Variants in HNRNPD observed in about 807,000 individuals in gnomAD.
HNRNPD encodes heterogeneous nuclear ribonucleoprotein D.
Under a neutral mutation model 47.9 loss-of-function variants are expected in HNRNPD, and 3 were observed. The ratio of observed to expected loss-of-function variants is 0.06; its 90% CI spans 0.03 to 0.16. HNRNPD has a LOEUF of 0.16. Among genes scored for constraint, HNRNPD ranks in the 10% least tolerant of loss-of-function variants. HNRNPD has a pLI of 1.00. For missense variants in HNRNPD, 287 were observed against 454.2 expected (o/e 0.63, Z 3.35); for synonymous variants, 171 against 165.1 (o/e 1.04, Z -0.28).
intron 7 of HNRNPD, chr4:82,356,322 CAT>C: frequency 2.2e-6 from 1 of 454,508 alleles, no homozygotes; most frequent in Non-Finnish European, 3.9e-6. Context: ...GCCCAGCAAA[CAT>C]ATATAGAACC....
chr4:82,369,575 C>CTCCA (rs34071804), intron 2 of HNRNPD, among the ~76,000 whole-genome samples: 2 of 151,324 alleles, frequency 1.3e-5, no homozygotes, highest in African/African-American at 4.9e-5. Flanking sequence ...AATTTGGATA[C>CTCCA]TCTATTAACC....
chr4:82,373,733 C>T lies in HNRNPD; in HGVS notation c.-55G>A. 1 of 1,529,186 alleles carries T rather than the reference C, an allele frequency of 6.5e-7. No individual in the cohort carries two copies. The highest frequency in any genetic ancestry group is 2.5e-5 in the East Asian group (1 of 40,264). 94.7% of individuals were successfully genotyped at this position (1,529,186 alleles called of 1,614,324 possible). A position where few individuals can be genotyped will look rare whatever the true frequency, so the allele number is the denominator to read the frequency against. Reference sequence around the variant, plus strand: ...GACTACACCCGCCGCTGCCGCGAACCGAAACTAGCAGCAAAGTAATCCCCG... The same window carrying T: ...GACTACACCCGCCGCTGCCGCGAACTGAAACTAGCAGCAAAGTAATCCCCG... On this transcript the variant is annotated 5_prime_UTR_variant, in exon 1 of 9. Transcript: ENST00000313899.
At position 82,373,884 on chromosome 4, in the gene HNRNPD, A is replaced by G; in HGVS notation, c.-206T>C. On this transcript the variant is annotated 5_prime_UTR_variant, in exon 1 of 9. Coordinates refer to ENST00000313899, the MANE Select transcript of HNRNPD (RefSeq NM_031370.3). Reference sequence around the variant, plus strand: ...CGCCTCCCACTCTCGCGCGGCGCACACTCCCGCTCTCTCCCGCTGCACTAA... The same window carrying G: ...CGCCTCCCACTCTCGCGCGGCGCACGCTCCCGCTCTCTCCCGCTGCACTAA... The G allele has an allele frequency of 8.5e-7, 1 of 1,173,262 alleles. No homozygotes were observed. Among genetic ancestry groups the G allele is most frequent in the Non-Finnish European group, 1.1e-6 (1 of 877,012 alleles). The allele number at this position is 1,173,262 out of a possible 1,614,324, so 72.7% of individuals were successfully genotyped here.
chr4:82,359,889 T>C (rs955968671), intron 2 of HNRNPD, among the ~76,000 whole-genome samples: 1 of 152,092 alleles, frequency 6.6e-6, no homozygotes, highest in African/African-American at 2.4e-5. Context: ...AAGATAAACA[T>C]ATACCCAAAG....
intron 2 of HNRNPD, among the ~76,000 whole-genome samples, chr4:82,369,286 C>T (rs1034332606): frequency 6.6e-6 from 1 of 152,112 alleles, no homozygotes; most frequent in Admixed American, 6.5e-5. Flanking sequence ...GTAAAAACTA[C>T]GGATGTTAAT....
intron 4 of HNRNPD, 117 bp from the exon 5 acceptor site, chr4:82,357,561 T>A: frequency 2.5e-6 from 2 of 793,204 alleles, no homozygotes; most frequent in Non-Finnish European, 3.8e-6. Flanking sequence ...ACTGAAGTTC[T>A]AGTCTCCTGT....
rs781570745 is a variant in HNRNPD, at chr4:82,358,758, G to C, written c.522C>G (p.Ala174=). 1 of 1,612,742 alleles carries C rather than the reference G, an allele frequency of 6.2e-7. No homozygotes were observed. The highest frequency in any genetic ancestry group is 8.5e-7 in the Non-Finnish European group (1 of 1,179,632). Residue 174 remains alanine (A), a synonymous_variant, in exon 4 of 9, where the codon GCC becomes GCG. Transcript: ENST00000313899. ...TTTTAACCGGCTCTTTTGTTTTCAT[G>C]GCTTTGGCCCTTTTAGGATCAATCA... is the stretch of plus-strand genomic sequence containing the variant. ...GKVIDPKRAK[A]MKTKEPVKKI...
chr4:82,373,025 ATAC>A, intron 1 of HNRNPD: 1 of 416,246 alleles, frequency 2.4e-6, no homozygotes, highest in Non-Finnish European at 4.8e-6. Context: ...AACCTTAGTA[ATAC>A]AAACAGAGAA....
chr4:82,356,734 T>C (rs1723725703), intron 6 of HNRNPD, 51 bp from the exon 7 acceptor site: 1 of 1,612,538 alleles, frequency 6.2e-7, no homozygotes, highest in Admixed American at 1.7e-5. Flanking sequence ...CAAAGATCTT[T>C]ACTTCAGGAT....
intron 1 of HNRNPD, 126 bp downstream of exon 1, chr4:82,373,320 G>T: frequency 7.8e-7 from 1 of 1,289,634 alleles, no homozygotes. Context: ...AGGGAGACCA[G>T]TGCAAGGAGG....
chr4:82,352,510 A>G lies in HNRNPD; in HGVS notation c.*1675T>C, dbSNP rs1723538552. The G allele has an allele frequency of 1.3e-5, 2 of 152,210 alleles. No homozygotes were observed. The highest frequency in any genetic ancestry group is 1.3e-4 in the Admixed American group (2 of 15,282). The allele number at this position is 152,210 out of a possible 1,614,324, so 9.4% of individuals were successfully genotyped here. On this transcript the variant is annotated 3_prime_UTR_variant, in exon 9 of 9. Coordinates refer to ENST00000313899, the MANE Select transcript of HNRNPD (RefSeq NM_031370.3). ...GAGGGAGACCCTGTCTCTTAAAAAT[A>G]ATTTTTTATTGAGAGATTTACATAA...
chr4:82,357,474 T>A, intron 4 of HNRNPD, 30 bp from the exon 5 acceptor site: 1 of 1,569,842 alleles, frequency 6.4e-7, no homozygotes, highest in Non-Finnish European at 8.6e-7. Flanking sequence ...TTTAATATGC[T>A]AACATGCATT....
In HNRNPD at chr4:82,370,055, T is replaced by C. The variant is rs1443855510; in HGVS notation, c.290+1473A>G. Among the ~76,000 whole-genome samples, 3 of 152,096 alleles carry C rather than the reference T, an allele frequency of 2.0e-5. No individual in the cohort carries two copies. In the East Asian group the frequency reaches 5.8e-4, roughly 29 times the overall value. On this transcript the variant is annotated intron_variant, in intron 2 of 8. Coordinates refer to ENST00000313899, the MANE Select transcript of HNRNPD (RefSeq NM_031370.3). ...TACTTTGGAGGCTGAGGCAGGAGAA[T>C]TGCTTGAACCTGGGAGGTGGAGGTT...
intron 1 of HNRNPD, among the ~76,000 whole-genome samples, chr4:82,372,149 A>G (rs947146123): frequency 4.6e-5 from 7 of 152,000 alleles, no homozygotes; most frequent in African/African-American, 9.7e-5. Context: ...GTTAAAAAAA[A>G]ATTCAGACAC....
intron 2 of HNRNPD, among the ~76,000 whole-genome samples, chr4:82,361,644 G>A (rs1416523600): frequency 6.6e-6 from 1 of 151,768 alleles, no homozygotes; most frequent in East Asian, 1.9e-4. Flanking sequence ...GTTTATATTG[G>A]GAAAATACCC....
chr4:82,357,837 A>ACCG, intron 4 of HNRNPD: 1 of 155,648 alleles, frequency 6.4e-6, no homozygotes, highest in Admixed American at 6.4e-5. Context: ...TGCCCAAACC[A>ACCG]AGATGGAAGC....
chr4:82,356,988 T>C lies in HNRNPD; in HGVS notation c.754-93A>G, dbSNP rs781578412. ...AACCAGAATAGCCAACATGTTTAAA[T>C]AGAGTAGGCTAATTTGAAACTTTCC... On this transcript the variant is annotated intron_variant, in intron 5 of 8. Coordinates refer to ENST00000313899, the MANE Select transcript of HNRNPD (RefSeq NM_031370.3). The C allele has an allele frequency of 1.2e-4, 130 of 1,057,774 alleles. 1 individual carries two copies. The Middle Eastern group carries it at 4.4e-3, about 36-fold the overall frequency. 65.5% of individuals were successfully genotyped at this position (1,057,774 alleles called of 1,614,324 possible).
chr4:82,359,699 CAT>C, intron 2 of HNRNPD, 60 bp from the exon 3 acceptor site: 1 of 1,114,048 alleles, frequency 9.0e-7, no homozygotes, highest in Non-Finnish European at 1.3e-6. Context: ...ATATTATCCA[CAT>C]CAATAACACA....
At chr4:82,359,725 G>C (rs1033716216) in intron 2 of HNRNPD, 86 bp from the exon 3 acceptor site, 2 of 811,592 alleles carry the variant, frequency 2.5e-6, no homozygotes, top group African/African-American at 3.4e-5. Context: ...TTTCCAAACT[G>C]CACCAGTTTA....
Sources: allele counts gnomAD v4.1 joint callset (sites outside exome capture counted in the v4.1 genomes callset), GRCh38; gene constraint gnomAD v4.1.1; transcripts MANE v1.5; gene names NCBI Gene and HGNC (gene_info 2026-07-23, HGNC 2026-07-21).